Variants in MAGI2 observed in about 807,000 individuals in gnomAD.
MAGI2 encodes the protein membrane associated guanylate kinase, WW and PDZ domain containing 2.
A neutral mutation model predicts 133.3 loss-of-function variants in MAGI2; 35 were observed. The observed-to-expected ratio is 0.26, with a 90% CI of 0.20 to 0.35. The LOEUF is 0.35. Among genes scored for constraint, MAGI2 ranks in the 10% least tolerant of loss-of-function variants. The pLI, the probability that MAGI2 is intolerant of heterozygous loss-of-function variation, is 1.00. For missense variants in MAGI2, 1,636 were observed against 1,863.4 expected, an observed-to-expected ratio of 0.88 and a Z score of 2.25; for synonymous variants, 729 against 710.6, an observed-to-expected ratio of 1.03 and a Z score of -0.41.
intron 1 of MAGI2, among the ~76,000 whole-genome samples, chr7:79,403,467 C>A (rs1845605043): frequency 1.3e-5 from 2 of 151,630 alleles, no homozygotes; most frequent in Admixed American, 6.6e-5. Context: ...TGATAGTAAT[C>A]CCTTTAAAAT....
At chr7:78,087,862 A>G (rs550221160) in intron 20 of MAGI2, among the ~76,000 whole-genome samples, 2 of 152,366 alleles carry the variant, frequency 1.3e-5, no homozygotes, top group African/African-American at 4.8e-5. Context: ...AGCTGGTTGG[A>G]GCAAAACATT....
rs574232555 is a variant in MAGI2 at position 78,094,832 on chromosome 7, A to G, written c.3568-15747T>C. On this transcript the variant is annotated intron_variant, in intron 20 of 21. Transcript: ENST00000354212. Reference sequence around the variant, plus strand: ...TCTATTAAAGTCTAGCACAATTAGCATTGCAATCTTCAATTAAAATCTCTC... The same window carrying G: ...TCTATTAAAGTCTAGCACAATTAGCGTTGCAATCTTCAATTAAAATCTCTC... 9.7e-4 allele frequency among the ~76,000 whole-genome samples: 147 copies of G among 152,322 alleles called. 2 individuals are homozygous for G. The highest frequency in any genetic ancestry group is 6.8e-3 in the Middle Eastern group (2 of 294).
intron 9 of MAGI2, among the ~76,000 whole-genome samples, chr7:78,257,234 A>AG (rs1469431687): frequency 2.6e-5 from 4 of 152,218 alleles, no homozygotes; most frequent in African/African-American, 9.6e-5. Flanking sequence ...TTTGAGCCAC[A>AG]GTTCCTCATT....
At chr7:78,671,281 CTTT>C (rs34087973) in intron 2 of MAGI2, among the ~76,000 whole-genome samples, 12 of 143,958 alleles carry the variant, frequency 8.3e-5, no homozygotes, top group Admixed American at 1.4e-4. Context: ...CTCTCTCTCT[CTTT>C]TTTTTTTTTT....
At chr7:78,706,834 G>A (rs1299253956) in intron 2 of MAGI2, among the ~76,000 whole-genome samples, 1 of 151,966 alleles carries the variant, frequency 6.6e-6, no homozygotes, top group Non-Finnish European at 1.5e-5. Flanking sequence ...TCTAGGGTAG[G>A]GCATTAGAAA....
At chr7:78,145,126 G>A (rs957089206) in intron 16 of MAGI2, among the ~76,000 whole-genome samples, 49 of 152,002 alleles carry the variant, frequency 3.2e-4, no homozygotes, top group Admixed American at 3.1e-3. Context: ...TCTTTTGATT[G>A]AATTCTGGCT....
chr7:78,386,001 C>A (rs931107406), intron 6 of MAGI2, among the ~76,000 whole-genome samples: 3 of 151,752 alleles, frequency 2.0e-5, no homozygotes, highest in African/African-American at 7.3e-5. Context: ...AAACTTCCCC[C>A]CCTAGCTCAA....
At chr7:78,992,791 A>C (rs1443506095) in intron 2 of MAGI2, among the ~76,000 whole-genome samples, 1 of 152,050 alleles carries the variant, frequency 6.6e-6, no homozygotes, top group Non-Finnish European at 1.5e-5. Context: ...TAATGTTAGA[A>C]CCTACAAAAA....
At chr7:79,032,889 G>C (rs1810738768) in intron 1 of MAGI2, among the ~76,000 whole-genome samples, 1 of 126,570 alleles carries the variant, frequency 7.9e-6, no homozygotes, top group South Asian at 2.3e-4. Context: ...AAGTTCTTTT[G>C]AGAAGGACAG....
chr7:78,265,367 AAG>A (rs1394350298), intron 9 of MAGI2, among the ~76,000 whole-genome samples: 1 of 152,200 alleles, frequency 6.6e-6, no homozygotes, highest in Non-Finnish European at 1.5e-5. Flanking sequence ...GTTTCTTGCA[AAG>A]CTCCAAAAAG....
intron 1 of MAGI2, among the ~76,000 whole-genome samples, chr7:79,089,565 CA>C (rs774751840): frequency 6.7e-6 from 1 of 150,152 alleles, no homozygotes; most frequent in African/African-American, 2.4e-5. Context: ...AAATGTCCAT[CA>C]AAAAAAAAGA....
intron 10 of MAGI2, among the ~76,000 whole-genome samples, chr7:78,213,712 C>T (rs927333646): frequency 1.3e-5 from 2 of 152,194 alleles, no homozygotes; most frequent in Non-Finnish European, 2.9e-5. Context: ...TACCTCAATT[C>T]CATTTTTGTA....
intron 1 of MAGI2, among the ~76,000 whole-genome samples, chr7:79,183,979 T>TG (rs1182382940): frequency 6.6e-6 from 1 of 151,038 alleles, no homozygotes; most frequent in African/African-American, 2.4e-5. Context: ...TACCAGAGTA[T>TG]GGGGGGAGAT....
intron 2 of MAGI2, among the ~76,000 whole-genome samples, chr7:78,915,215 A>G (rs923645814): frequency 6.6e-6 from 1 of 152,124 alleles, no homozygotes; most frequent in Non-Finnish European, 1.5e-5. Flanking sequence ...TCTTCTGGTG[A>G]TTTAATCACA....
chr7:79,211,906 T>C (rs935510085), intron 1 of MAGI2, among the ~76,000 whole-genome samples: 83 of 152,042 alleles, frequency 5.5e-4, no homozygotes, highest in Admixed American at 1.2e-3. Flanking sequence ...CTTGGTCATG[T>C]TTGGTGAGTA....
rs117835417 is a variant in MAGI2, at chr7:78,168,997, C to G, written c.2404-889G>C. Among the ~76,000 whole-genome samples the G allele has an allele frequency of 1.9e-3, 282 of 152,304 alleles. 1 individual carries two copies. The highest frequency in any genetic ancestry group is 3.0e-3 in the Non-Finnish European group (202 of 68,034). ...CTCTACGCAAAGGACATTCCCAGTT[C>G]TGCCTGTTCCCTGAAGTGCTTCTGC... is the stretch of plus-strand genomic sequence containing the variant. On this transcript the variant is annotated intron_variant, in intron 14 of 21. Coordinates refer to ENST00000354212, the MANE Select transcript of MAGI2 (RefSeq NM_012301.4).
chr7:78,152,056 A>G (rs932066940), intron 16 of MAGI2, among the ~76,000 whole-genome samples: 2 of 152,294 alleles, frequency 1.3e-5, no homozygotes. Context: ...ACAAAAACAC[A>G]TGAAAAGTGA....
intron 6 of MAGI2, among the ~76,000 whole-genome samples, chr7:78,443,578 G>A (rs1415239659): frequency 2.0e-5 from 3 of 151,928 alleles, no homozygotes; most frequent in African/African-American, 7.3e-5. Flanking sequence ...TTATTCCTCT[G>A]TTATAACATG....
intron 21 of MAGI2, among the ~76,000 whole-genome samples, chr7:78,052,085 G>A (rs1812067791): frequency 6.6e-6 from 1 of 151,994 alleles, no homozygotes; most frequent in African/African-American, 2.4e-5. Context: ...TGCCCAGACT[G>A]GTCTTGAATT....
Sources: allele counts gnomAD v4.1 joint callset (sites outside exome capture counted in the v4.1 genomes callset), GRCh38; gene constraint gnomAD v4.1.1; transcripts MANE v1.5; gene names NCBI Gene and HGNC (gene_info 2026-07-23, HGNC 2026-07-21).